Variants in SCAF1 observed in about 807,000 individuals in gnomAD.
The protein encoded by SCAF1 is splicing factor, arginine/serine-rich 19.
A neutral mutation model predicts 91.2 loss-of-function variants in SCAF1; 28 were observed. That is an observed-to-expected ratio of 0.31 (90% CI 0.23 to 0.42). SCAF1 has a LOEUF of 0.42. Ranked by LOEUF, SCAF1 falls within the 10% of genes least tolerant of loss-of-function variation. The pLI is 1.00. For missense variants in SCAF1, 1,893 were observed against 1,872.1 expected, an observed-to-expected ratio of 1.01 and a Z score of -0.21; for synonymous variants, 1,036 against 833.7, an observed-to-expected ratio of 1.24 and a Z score of -4.18.
chr19:49,645,236 C>A lies in SCAF1; in HGVS notation c.108+102C>A. The A allele has an allele frequency of 6.7e-7, 1 of 1,495,042 alleles. No individual in the cohort carries two copies. The allele number at this position is 1,495,042 out of a possible 1,614,324, so 92.6% of individuals were successfully genotyped here. On this transcript the variant is annotated intron_variant, in intron 2 of 10. Transcript: ENST00000360565. The surrounding 1 kb of genome is among the most constrained non-coding windows in gnomAD (Gnocchi z 4.6). The stretch of plus-strand genomic sequence containing the variant: ...TGAGGCAGGGGCGCTGGACTCTTGG[C>A]TCCCTTGAAGCACTTGAGTCTAGCT...
In SCAF1 at chr19:49,653,544, C is replaced by A; in HGVS notation, c.3155C>A (p.Ala1052Glu). 1 of 1,581,394 alleles carries A rather than the reference C, an allele frequency of 6.3e-7. No individual in the cohort carries two copies. ...ACCACCACGGCCACCAGCACTGCTG[C>A]AGCCGCCCCAAGCACTGCCCCCAGC... Reference protein sequence around the residue: ...PATTTATSTAAAAPSTAPSAG... With the variant: ...PATTTATSTAEAAPSTAPSAG... Residue 1052 changes from alanine (A) to glutamate (E), a missense_variant, in exon 7 of 11, where the codon GCA becomes GAA. Physicochemically the swap from Ala to Glu is moderately radical, Grantham distance 107. Transcript: ENST00000360565.
At chr19:49,657,683 G>A (rs2081149219) in intron 9 of SCAF1, 78 bp from the exon 10 acceptor site, 1 of 1,502,978 alleles carries the variant, frequency 6.7e-7, no homozygotes, top group Admixed American at 2.0e-5. Flanking sequence ...GCTGGCAGCA[G>A]AGGCGAGTGG....
At chr19:49,654,963 G>A in intron 9 of SCAF1, 93 bp downstream of exon 9, 1 of 1,034,494 alleles carries the variant, frequency 9.7e-7, no homozygotes, top group Admixed American at 2.9e-5. Context: ...GAGAAAGGGA[G>A]ACTGAGGCAG....
In SCAF1 at chr19:49,646,418, TG is replaced by T. The variant is rs1223165960; in HGVS notation, c.262-104del. The T allele has an allele frequency of 9.6e-6, 10 of 1,043,950 alleles. No individual in the cohort carries two copies. The highest frequency in any genetic ancestry group is 2.4e-5 in the East Asian group (1 of 41,948). The allele number at this position is 1,043,950 out of a possible 1,614,324, so 64.7% of individuals were successfully genotyped here. On this transcript the variant is annotated intron_variant, in intron 4 of 10. Coordinates refer to ENST00000360565, the MANE Select transcript of SCAF1 (RefSeq NM_021228.3). This position sits in a 1 kb window ranked among gnomAD's most constrained non-coding sequence, Gnocchi z 5.6. ...ATAGGAATTAGATCCTCAGTTTTCT[TG>T]GGGATCTTAGATGTCTGGGTTCCTG...
At position 49,651,792 on chromosome 19, in the gene SCAF1, C is replaced by G; in HGVS notation, c.1403C>G (p.Pro468Arg). ...ALQVDLGEPA[P>R]APPAADSRWG... ...CAGGTGGACCTAGGGGAGCCGGCTC[C>G]CGCGCCGCCCGCCGCCGACTCGCGC... The change falls in exon 7 of 11, where the codon CCC becomes CGC. Residue 468 changes from proline to arginine, a missense_variant. This residue lies in a region of SCAF1 where 1,436 missense variants were observed against 1,306.8 expected (regional missense o/e 1.10). Transcript: ENST00000360565. 7.8e-7 allele frequency: 1 copy of G among 1,276,502 alleles called. No individual in the cohort carries two copies. The highest frequency in any genetic ancestry group is 9.9e-7 in the Non-Finnish European group (1 of 1,012,854). The allele number at this position is 1,276,502 out of a possible 1,614,324, so 79.1% of individuals were successfully genotyped here.
In SCAF1 at chr19:49,645,286, C is replaced by T. The variant is rs2081048278; in HGVS notation, c.109-68C>T. ...TGTCAGTGTCTGGGATGTCTGTCTC[C>T]CAAGGGGCAGAGGTTGCAAAGCATC... On this transcript the variant is annotated intron_variant, in intron 2 of 10. Transcript: ENST00000360565. This position sits in a 1 kb window ranked among gnomAD's most constrained non-coding sequence, Gnocchi z 4.6. 6.3e-7 allele frequency: 1 copy of T among 1,577,148 alleles called. No individual in the cohort carries two copies. Among genetic ancestry groups the T allele is most frequent in the Non-Finnish European group, 8.7e-7 (1 of 1,147,866 alleles).
At position 49,651,872 on chromosome 19, in the gene SCAF1, C is replaced by T; in HGVS notation, c.1483C>T (p.Arg495Cys). ...KILTQRRERY[R>C]QRSPSPAPAP... The stretch of plus-strand genomic sequence containing the variant: ...CCTGACCCAACGGCGGGAGCGCTAC[C>T]GCCAGCGCTCGCCCTCCCCGGCGCC... The change falls in exon 7 of 11, where the codon CGC becomes TGC. Residue 495 changes from arginine (R) to cysteine (C), a missense_variant. Physicochemically the swap from Arg to Cys is radical, Grantham distance 180. Coordinates refer to ENST00000360565, the MANE Select transcript of SCAF1 (RefSeq NM_021228.3). The T allele has an allele frequency of 8.2e-7, 1 of 1,221,232 alleles. No homozygotes were observed. Among genetic ancestry groups the T allele is most frequent in the Non-Finnish European group, 1.0e-6 (1 of 978,232 alleles). The allele number at this position is 1,221,232 out of a possible 1,614,324, so 75.6% of individuals were successfully genotyped here.
At chr19:49,656,442 C>T (rs2081139806) in intron 9 of SCAF1, among the ~76,000 whole-genome samples, 1 of 152,228 alleles carries the variant, frequency 6.6e-6, no homozygotes, top group African/African-American at 2.4e-5. Flanking sequence ...ACTCAGTTTA[C>T]CTGCCCCTAC....
Position 49,652,776 on chromosome 19 carries a change from G to A in SCAF1, c.2387G>A (p.Arg796Gln), listed in dbSNP as rs745609480. 3.7e-6 allele frequency: 6 copies of A among 1,613,126 alleles called. No individual in the cohort carries two copies. The Admixed American group carries it at 8.3e-5, about 22-fold the overall frequency. Residue 796 changes from arginine to glutamine, a missense_variant, in exon 7 of 11, where the codon CGG (arginine) becomes CAG (glutamine). Physicochemically the swap from Arg to Gln is conservative, Grantham distance 43 (BLOSUM62 1). Around this residue, in one of 5 missense-constraint regions of SCAF1, gnomAD observed 1,436 missense variants for 1,306.8 expected, o/e 1.10. Coordinates refer to ENST00000360565, the MANE Select transcript of SCAF1 (RefSeq NM_021228.3). ...RDRDRSSKKA[R>Q]PPKESAPSSG... ...AGGGACAGGTCATCCAAGAAGGCCCGGCCCCCCAAGGAGTCGGCGCCTTCC... is the reference window on the plus strand; with the variant it reads ...AGGGACAGGTCATCCAAGAAGGCCCAGCCCCCCAAGGAGTCGGCGCCTTCC...
In SCAF1 at chr19:49,646,120, G is replaced by T. The variant is rs1254573293; in HGVS notation, c.179G>T (p.Cys60Phe). 1 of 1,612,170 alleles carries T rather than the reference G, an allele frequency of 6.2e-7. No individual in the cohort carries two copies. The highest frequency in any genetic ancestry group is 8.5e-7 in the Non-Finnish European group (1 of 1,179,968). The change falls in exon 4 of 11, where the codon TGT (cysteine) becomes TTT (phenylalanine). Residue 60 changes from cysteine to phenylalanine, a missense_variant. By Grantham distance (205) the Cys-to-Phe change is radical. Around this residue, in one of 5 missense-constraint regions of SCAF1, gnomAD observed 270 missense variants for 292.5 expected, o/e 0.92. Coordinates refer to ENST00000360565, the MANE Select transcript of SCAF1 (RefSeq NM_021228.3). The surrounding 1 kb of genome is among the most constrained non-coding windows in gnomAD (Gnocchi z 5.6). ...AATCTCTCACCAGATGGCTCTCGGT[G>T]TCATGGCCTTCGATGGCGGCGCTGC... ...DLPNDKDGSR[C>F]HGLRWRRCRS...
rs1211991724 is a variant in SCAF1, at chr19:49,658,568, A to G, written c.*169A>G. On this transcript the variant is annotated 3_prime_UTR_variant, in exon 11 of 11. Coordinates refer to ENST00000360565, the MANE Select transcript of SCAF1 (RefSeq NM_021228.3). Reference sequence around the variant, plus strand: ...CCCCGTGTCCACCTCCCTTGCCCCCAAGCCTGTCCCCAGTGCCCCTCCCTT... The same window carrying G: ...CCCCGTGTCCACCTCCCTTGCCCCCGAGCCTGTCCCCAGTGCCCCTCCCTT... 1.8e-6 allele frequency: 1 copy of G among 558,378 alleles called. No homozygotes were observed. The highest frequency in any genetic ancestry group is 3.1e-6 in the Non-Finnish European group (1 of 324,804). 34.6% of individuals were successfully genotyped at this position (558,378 alleles called of 1,614,324 possible).
At chr19:49,657,712 T>G (rs1227391670) in intron 9 of SCAF1, 49 bp from the exon 10 acceptor site, 2 of 1,559,030 alleles carry the variant, frequency 1.3e-6, no homozygotes, top group Non-Finnish European at 1.7e-6. Context: ...GTTCCGCAGG[T>G]ACTCACTGGC....
Position 49,652,087 on chromosome 19 carries a change from C to T in SCAF1, c.1698C>T (p.Ala566=), listed in dbSNP as rs988188150. Residue 566 remains alanine, a synonymous_variant, in exon 7 of 11, where the codon GCC becomes GCT. Transcript: ENST00000360565. ...GGGACCGCAAGCCCGGCTCCCACGC[C>T]TCGTCGTCCGCCCGCCGCCGCTCCC... ...RSRDRKPGSH[A]SSSARRRSRS... 2.3e-5 allele frequency: 27 copies of T among 1,183,150 alleles called. No homozygotes were observed. Among genetic ancestry groups the T allele is most frequent in the Non-Finnish European group, 2.7e-5 (26 of 945,940 alleles). The allele number at this position is 1,183,150 out of a possible 1,614,324, so 73.3% of individuals were successfully genotyped here. A position where few individuals can be genotyped will look rare whatever the true frequency, so the allele number is the denominator to read the frequency against.
chr19:49,650,446 T>G (rs1288392924), intron 6 of SCAF1, among the ~76,000 whole-genome samples: 1 of 152,120 alleles, frequency 6.6e-6, no homozygotes, highest in African/African-American at 2.4e-5. Flanking sequence ...GAGTGTGGTG[T>G]TGTGGTCATA....
rs746938803 is a variant in SCAF1, at chr19:49,646,805, C to T, written c.453C>T (p.Leu151=). The T allele has an allele frequency of 3.7e-6, 6 of 1,613,110 alleles. No homozygotes were observed. Among genetic ancestry groups the T allele is most frequent in the Non-Finnish European group, 5.1e-6 (6 of 1,179,874 alleles). ...CTGTGCCCAGCCTGCTGCCCCGTCT[C>T]AGGGCCTGGAGGACGGGCAAAACGG... ...PLPVPSLLPR[L]RAWRTGKTVS... Residue 151 remains leucine (L), a synonymous_variant, in exon 6 of 11, where the codon CTC becomes CTT. Transcript: ENST00000360565. This position sits in a 1 kb window ranked among gnomAD's most constrained non-coding sequence, Gnocchi z 5.6.
In SCAF1 at chr19:49,651,532, GC is replaced by G; in HGVS notation, c.1147del (p.Leu383CysfsTer81). On this transcript the variant is annotated frameshift_variant, in exon 7 of 11. Transcript: ENST00000360565. LOFTEE classifies it high-confidence loss of function. ...CCGCTGGTGGAGCCGCCCTCCCGCC[GC>G]CCCTGCTGCCGCCCGGCGACTCGGA... ...VTAGGAALPP[P>X]LLPPGDSEIE... The G allele has an allele frequency of 6.4e-7, 1 of 1,564,570 alleles. No homozygotes were observed.
In SCAF1 at chr19:49,651,997, G is replaced by T. The variant is rs1338850469; in HGVS notation, c.1608G>T (p.Ser536=). ...SGEAKEAASS[S]SGTQPAPPAP... ...AGGCCAAGGAGGCCGCCTCGTCCTC[G>T]TCGGGCACCCAGCCAGCGCCGCCCG... Residue 536 remains serine, a synonymous_variant, in exon 7 of 11, where the codon TCG becomes TCT. Transcript: ENST00000360565. 2.5e-6 allele frequency: 3 copies of T among 1,195,982 alleles called. No homozygotes were observed. Among genetic ancestry groups the T allele is most frequent in the Non-Finnish European group, 3.1e-6 (3 of 956,120 alleles). The allele number at this position is 1,195,982 out of a possible 1,614,324, so 74.1% of individuals were successfully genotyped here. A position where few individuals can be genotyped will look rare whatever the true frequency, so the allele number is the denominator to read the frequency against.
chr19:49,652,182 G>T lies in SCAF1; in HGVS notation c.1793G>T (p.Arg598Leu). ...RSTDRRRGGS[R>L]RSRSREKRRR... ...ACCGACCGCCGCCGCGGGGGCAGCC[G>T]CAGGTCGCGGTCCCGGGAGAAGCGG... Residue 598 changes from arginine to leucine, a missense_variant, in exon 7 of 11, where the codon CGC (arginine) becomes CTC (leucine). Around this residue, in one of 5 missense-constraint regions of SCAF1, gnomAD observed 1,436 missense variants for 1,306.8 expected, o/e 1.10. Coordinates refer to ENST00000360565, the MANE Select transcript of SCAF1 (RefSeq NM_021228.3). The T allele has an allele frequency of 8.3e-7, 1 of 1,209,012 alleles. No individual in the cohort carries two copies. The highest frequency in any genetic ancestry group is 1.0e-6 in the Non-Finnish European group (1 of 971,314). The allele number at this position is 1,209,012 out of a possible 1,614,324, so 74.9% of individuals were successfully genotyped here.
intron 6 of SCAF1, among the ~76,000 whole-genome samples, chr19:49,647,222 G>A (rs551010310): frequency 6.6e-6 from 1 of 152,246 alleles, no homozygotes. Context: ...GCCCTGGTGT[G>A]TCTGAGTCTG....
Sources: gnomAD v4.1 joint callset for allele counts (sites outside exome capture counted in the v4.1 genomes callset) on GRCh38, gnomAD v4.1.1 for gene constraint, gnomAD v4.1.1 regional missense constraint, Gnocchi (gnomAD v3.1) non-coding constraint, MANE v1.5 for transcripts, NCBI Gene and HGNC (gene_info 2026-07-23, HGNC 2026-07-21) for gene names.